Variants in SLC35F1 observed in about 807,000 individuals in gnomAD.
SLC35F1 encodes solute carrier family 35 member F1.
SLC35F1 carries 14 observed loss-of-function variants against 48.7 expected under a neutral mutation model. The ratio of observed to expected loss-of-function variants is 0.29; its 90% CI spans 0.19 to 0.45. The LOEUF is 0.45. SLC35F1 is among the 20% of genes least tolerant of loss of function. The probability of loss-of-function intolerance (pLI) is 1.00; values close to 1 mark genes in which losing one functional copy is unlikely to be tolerated. For synonymous variants in SLC35F1, 190 were observed against 202.2 expected, an observed-to-expected ratio of 0.94 and a Z score of 0.51; for missense variants, 404 against 500.0, an observed-to-expected ratio of 0.81 and a Z score of 1.83.
At chr6:118,005,952 A>G (rs4245490) in intron 1 of SLC35F1, among the ~76,000 whole-genome samples, 99,538 of 152,054 alleles carry the variant, frequency 0.65, 32,712 homozygotes, top group East Asian at 0.82. Flanking sequence ...AGAATTGTTA[A>G]TTATTTTTGT....
chr6:118,220,645 G>T (rs187144933), intron 2 of SLC35F1, among the ~76,000 whole-genome samples: 1 of 152,302 alleles, frequency 6.6e-6, no homozygotes, highest in Non-Finnish European at 1.5e-5. Flanking sequence ...GAAAATGTCT[G>T]GGGTGGAGCC....
chr6:118,163,583 T>A (rs561652619), intron 2 of SLC35F1, among the ~76,000 whole-genome samples: 60 of 152,222 alleles, frequency 3.9e-4, no homozygotes, highest in Non-Finnish European at 7.5e-4. Flanking sequence ...CTGGAGTCCA[T>A]GTTGACTGTT....
intron 7 of SLC35F1, among the ~76,000 whole-genome samples, chr6:118,308,984 AT>A (rs1183236835): frequency 6.6e-6 from 1 of 152,176 alleles, no homozygotes; most frequent in Non-Finnish European, 1.5e-5. Context: ...TCCACTCATC[AT>A]AGATAGCCTT....
At chr6:118,074,648 G>A (rs1335999434) in intron 1 of SLC35F1, among the ~76,000 whole-genome samples, 1 of 152,144 alleles carries the variant, frequency 6.6e-6, no homozygotes, top group African/African-American at 2.4e-5. Context: ...TTTAAGACAG[G>A]TAGATTTTTC....
intron 1 of SLC35F1, among the ~76,000 whole-genome samples, chr6:117,979,902 G>C (rs1300278107): frequency 6.6e-6 from 1 of 152,096 alleles, no homozygotes; most frequent in African/African-American, 2.4e-5. Flanking sequence ...CATCTCATCA[G>C]GAGTATCTGA....
intron 1 of SLC35F1, among the ~76,000 whole-genome samples, chr6:117,923,137 A>G (rs374812250): frequency 6.6e-6 from 1 of 152,164 alleles, no homozygotes; most frequent in East Asian, 1.9e-4. Context: ...AATCCCTGCA[A>G]ACTCTTAAAA....
chr6:118,230,363 A>G (rs1289127922), intron 2 of SLC35F1, among the ~76,000 whole-genome samples: 4 of 152,086 alleles, frequency 2.6e-5, no homozygotes, highest in African/African-American at 4.8e-5. Flanking sequence ...AAGAAAAACA[A>G]GAAATATATG....
intron 1 of SLC35F1, among the ~76,000 whole-genome samples, chr6:117,923,658 T>TACATATAC (rs1491430193): frequency 1.4e-5 from 1 of 71,468 alleles, no homozygotes. Context: ...TATGTACATA[T>TACATATAC]GTATATATAC....
intron 6 of SLC35F1, among the ~76,000 whole-genome samples, chr6:118,283,142 C>G (rs1169293775): frequency 1.3e-5 from 2 of 152,160 alleles, no homozygotes; most frequent in Non-Finnish European, 2.9e-5. Flanking sequence ...TCTGCTCAGC[C>G]ATTGTGGCCT....
chr6:117,973,782 C>T (rs1044126428), intron 1 of SLC35F1, among the ~76,000 whole-genome samples: 1 of 152,106 alleles, frequency 6.6e-6, no homozygotes, highest in Non-Finnish European at 1.5e-5. Flanking sequence ...ATATTAGGGC[C>T]ATTTCTTCAC....
At chr6:117,923,148 T>C (rs979558522) in intron 1 of SLC35F1, among the ~76,000 whole-genome samples, 2 of 152,264 alleles carry the variant, frequency 1.3e-5, no homozygotes, top group Admixed American at 1.3e-4. Flanking sequence ...ACTCTTAAAA[T>C]CCGTGATTAT....
intron 1 of SLC35F1, among the ~76,000 whole-genome samples, chr6:118,149,355 G>C (rs1416738037): frequency 6.6e-6 from 1 of 152,192 alleles, no homozygotes; most frequent in Non-Finnish European, 1.5e-5. Flanking sequence ...CTAAGGCAGA[G>C]AGAGCAGGGA....
chr6:118,037,909 A>G (rs1429645915), intron 1 of SLC35F1, among the ~76,000 whole-genome samples: 2 of 152,136 alleles, frequency 1.3e-5, no homozygotes, highest in Non-Finnish European at 2.9e-5. Flanking sequence ...TAGGACAAAT[A>G]CCTAATGCAT....
intron 1 of SLC35F1, among the ~76,000 whole-genome samples, chr6:118,109,676 G>A (rs1452856926): frequency 6.6e-6 from 1 of 151,866 alleles, no homozygotes; most frequent in Non-Finnish European, 1.5e-5. Flanking sequence ...AACAGAAAAG[G>A]AACCTGAAAA....
intron 1 of SLC35F1, among the ~76,000 whole-genome samples, chr6:118,131,985 A>T (rs1357115369): frequency 6.6e-6 from 1 of 152,090 alleles, no homozygotes; most frequent in South Asian, 2.1e-4. Flanking sequence ...AAACTCCCCA[A>T]GTGTCAGGTG....
At chr6:118,269,386 C>T (rs1415628464) in intron 4 of SLC35F1, among the ~76,000 whole-genome samples, 1 of 152,112 alleles carries the variant, frequency 6.6e-6, no homozygotes, top group East Asian at 1.9e-4. Flanking sequence ...TGTGGAGCAC[C>T]TTCTGTGCTA....
At chr6:118,011,905 A>G (rs1366042873) in intron 1 of SLC35F1, among the ~76,000 whole-genome samples, 1 of 152,202 alleles carries the variant, frequency 6.6e-6, no homozygotes, top group African/African-American at 2.4e-5. Context: ...AGAGACAGAT[A>G]TCTTTATTTG....
chr6:117,951,921 G>T (rs992592611), intron 1 of SLC35F1, among the ~76,000 whole-genome samples: 4 of 152,216 alleles, frequency 2.6e-5, no homozygotes, highest in South Asian at 2.1e-4. Context: ...GGGATTTCCT[G>T]CAAAGTGCCA....
intron 2 of SLC35F1, among the ~76,000 whole-genome samples, chr6:118,219,746 T>A (rs891041791): frequency 6.6e-6 from 1 of 152,136 alleles, no homozygotes; most frequent in African/African-American, 2.4e-5. Context: ...GTATTCACAA[T>A]AGCAAAGACT....
Sources: allele counts gnomAD v4.1 joint callset (sites outside exome capture counted in the v4.1 genomes callset), GRCh38; gene constraint gnomAD v4.1.1; transcripts MANE v1.5; gene names NCBI Gene and HGNC (gene_info 2026-07-23, HGNC 2026-07-21).